Variants in CRACD observed in about 807,000 individuals in gnomAD.
The protein encoded by CRACD is capping protein inhibiting regulator of actin dynamics, also known as capping protein-inhibiting regulator of actin dynamics.
A neutral mutation model predicts 106.8 loss-of-function variants in CRACD; 56 were observed. The ratio of observed to expected loss-of-function variants is 0.52; its 90% CI spans 0.42 to 0.66. The LOEUF is 0.66. CRACD is among the 30% of genes least tolerant of loss of function. The probability of loss-of-function intolerance (pLI) is 0.00; values close to 1 mark genes in which losing one functional copy is unlikely to be tolerated. For missense variants in CRACD, 1,730 were observed against 1,623.2 expected, an observed-to-expected ratio of 1.07 and a Z score of -1.13; for synonymous variants, 754 against 670.8, an observed-to-expected ratio of 1.12 and a Z score of -1.92.
At chr4:56,066,760 AG>A (rs1732478111) in intron 1 of CRACD, among the ~76,000 whole-genome samples, 1 of 152,132 alleles carries the variant, frequency 6.6e-6, no homozygotes, top group African/African-American at 2.4e-5. Flanking sequence ...CACAAAGTAC[AG>A]GGAAGGCCTG....
chr4:56,227,798 G>A (rs1739385670), intron 2 of CRACD, among the ~76,000 whole-genome samples: 1 of 152,196 alleles, frequency 6.6e-6, no homozygotes, highest in Admixed American at 6.5e-5. Flanking sequence ...AGCAACAAGT[G>A]TGTTATATCT....
At chr4:56,118,620 C>G (rs1734379412) in intron 1 of CRACD, among the ~76,000 whole-genome samples, 2 of 152,108 alleles carry the variant, frequency 1.3e-5, no homozygotes, top group South Asian at 2.1e-4. Context: ...GAAAAGAAGC[C>G]AGGTGCAGTG....
intron 1 of CRACD, among the ~76,000 whole-genome samples, chr4:56,130,642 C>T (rs904090078): frequency 1.3e-5 from 2 of 152,084 alleles, no homozygotes. Flanking sequence ...CTTTGCATTC[C>T]AGCTTATCCA....
At chr4:56,132,906 G>A (rs536858728) in intron 1 of CRACD, among the ~76,000 whole-genome samples, 10 of 152,264 alleles carry the variant, frequency 6.6e-5, no homozygotes, top group South Asian at 6.2e-4. Flanking sequence ...ATATCATATA[G>A]TGCTACTTAG....
chr4:56,244,234 G>A (rs1265598613), intron 2 of CRACD, among the ~76,000 whole-genome samples: 2 of 152,034 alleles, frequency 1.3e-5, no homozygotes, highest in East Asian at 3.9e-4. Context: ...CTAAAACCAG[G>A]GTTCATATGC....
At chr4:56,160,380 T>G (rs1433787516) in intron 1 of CRACD, among the ~76,000 whole-genome samples, 2 of 151,570 alleles carry the variant, frequency 1.3e-5, no homozygotes, top group Non-Finnish European at 2.9e-5. Flanking sequence ...GACAGGGTCT[T>G]GCCATGTTGC....
rs769904803 is a variant in CRACD, at chr4:56,315,494, A to G, written c.1992A>G (p.Ala664=). Residue 664 remains alanine, a synonymous_variant, in exon 8 of 11, where the codon GCA becomes GCG. Coordinates refer to ENST00000682029, the MANE Select transcript of CRACD (RefSeq NM_001393381.1). This position sits in a 1 kb window ranked among gnomAD's most constrained non-coding sequence, Gnocchi z 4.1. ...PRQESPSSAS[A]LAEWASIRSR... is the part of the protein sequence containing the mutation. ...AGGAGTCTCCCAGCAGCGCGTCCGC[A>G]CTCGCAGAATGGGCTTCCATTCGGT... is the stretch of plus-strand genomic sequence containing the variant. 1 of 1,613,408 alleles carries G rather than the reference A, an allele frequency of 6.2e-7. No individual in the cohort carries two copies. Among genetic ancestry groups the G allele is most frequent in the Non-Finnish European group, 8.5e-7 (1 of 1,179,866 alleles).
intron 1 of CRACD, among the ~76,000 whole-genome samples, chr4:56,057,268 T>TTA (rs1381276673): frequency 6.6e-6 from 1 of 152,130 alleles, no homozygotes; most frequent in African/African-American, 2.4e-5. Flanking sequence ...TGCTAATAGG[T>TTA]TAGGGGCTCA....
In CRACD at chr4:56,315,366, C is replaced by G. The variant is rs368631356; in HGVS notation, c.1864C>G (p.Leu622Val). Residue 622 changes from leucine (L) to valine (V), a missense_variant, in exon 8 of 11, where the codon CTG becomes GTG. Leu to Val is a conservative substitution (Grantham distance 32, BLOSUM62 1). This residue lies in a region of CRACD where 1,620 missense variants were observed against 1,481.6 expected (regional missense o/e 1.09). Transcript: ENST00000682029. This position sits in a 1 kb window ranked among gnomAD's most constrained non-coding sequence, Gnocchi z 4.1. The stretch of plus-strand genomic sequence containing the variant: ...CAAGGACACCGCGTGCAAGTCCCTC[C>G]TGGGCTTGGAGGAGAAGAAGCACGC... Reference protein sequence around the residue: ...QIKDTACKSLLGLEEKKHAEA... With the variant: ...QIKDTACKSLVGLEEKKHAEA... 3 of 1,613,610 alleles carry G rather than the reference C, an allele frequency of 1.9e-6. No individual in the cohort carries two copies. Among genetic ancestry groups the G allele is most frequent in the Non-Finnish European group, 2.5e-6 (3 of 1,179,908 alleles).
chr4:56,184,205 G>T (rs976742109), intron 2 of CRACD, among the ~76,000 whole-genome samples: 3 of 152,066 alleles, frequency 2.0e-5, no homozygotes, highest in African/African-American at 7.2e-5. Context: ...CGAGTAGCTG[G>T]GACTACAGGC....
intron 2 of CRACD, among the ~76,000 whole-genome samples, chr4:56,188,406 G>C (rs1217527386): frequency 6.6e-6 from 1 of 151,900 alleles, no homozygotes; most frequent in Non-Finnish European, 1.5e-5. Context: ...GCTTGAGTTG[G>C]GGAGGGCCTA....
At chr4:56,234,762 G>A (rs1343496969) in intron 2 of CRACD, among the ~76,000 whole-genome samples, 3 of 152,142 alleles carry the variant, frequency 2.0e-5, no homozygotes, top group East Asian at 1.9e-4. Context: ...ATTGGGAAAC[G>A]GTGGTGGTAT....
intron 2 of CRACD, among the ~76,000 whole-genome samples, chr4:56,259,810 C>G (rs1354680022): frequency 6.6e-6 from 1 of 152,124 alleles, no homozygotes; most frequent in Admixed American, 6.5e-5. Flanking sequence ...GTGATTGGTC[C>G]TGATTACTAA....
chr4:56,248,151 C>G (rs777172504), intron 2 of CRACD, among the ~76,000 whole-genome samples: 1 of 152,164 alleles, frequency 6.6e-6, no homozygotes, highest in Non-Finnish European at 1.5e-5. Flanking sequence ...TTATTTGTTT[C>G]CCACTGAAGA....
intron 2 of CRACD, among the ~76,000 whole-genome samples, chr4:56,264,927 C>T (rs1972132): frequency 0.21 from 31,892 of 152,026 alleles, 3,836 homozygotes; most frequent in Non-Finnish European, 0.27. Flanking sequence ...CTTTCCTCCA[C>T]GCTTCCCCCA....
intron 1 of CRACD, among the ~76,000 whole-genome samples, chr4:56,174,015 T>G (rs1331963985): frequency 1.3e-5 from 2 of 152,256 alleles, no homozygotes; most frequent in African/African-American, 4.8e-5. Context: ...ATGTATCTTC[T>G]TTGGAGAAAT....
chr4:56,141,557 A>G (rs938751343), intron 1 of CRACD, among the ~76,000 whole-genome samples: 2 of 151,948 alleles, frequency 1.3e-5, no homozygotes, highest in Non-Finnish European at 2.9e-5. Context: ...TGATCGTACC[A>G]TTGCATTTCA....
chr4:56,275,176 T>C (rs938550470), intron 3 of CRACD, among the ~76,000 whole-genome samples: 2 of 152,156 alleles, frequency 1.3e-5, no homozygotes, highest in Non-Finnish European at 2.9e-5. Flanking sequence ...GATAATTTAC[T>C]GGGCTTAATA....
At chr4:56,272,826 G>A (rs1339349157) in intron 3 of CRACD, among the ~76,000 whole-genome samples, 1 of 151,300 alleles carries the variant, frequency 6.6e-6, no homozygotes, top group Non-Finnish European at 1.5e-5. Flanking sequence ...TTGAACCCAG[G>A]AGGTGGAGGT....
Sources: allele counts gnomAD v4.1 joint callset (sites outside exome capture counted in the v4.1 genomes callset), GRCh38; gene constraint gnomAD v4.1.1; regional missense constraint gnomAD v4.1.1; non-coding constraint Gnocchi (gnomAD v3.1); transcripts MANE v1.5; gene names NCBI Gene and HGNC (gene_info 2026-07-23, HGNC 2026-07-21).